C2orf49: variants seen among roughly 807,000 people sequenced by gnomAD.
C2orf49 encodes tRNA splicing ligase complex subunit 2, also known as tRNA-splicing ligase complex subunit ASW.
Under a neutral mutation model 20.6 loss-of-function variants are expected in C2orf49, and 11 were observed. The observed-to-expected ratio is 0.53, with a 90% CI of 0.34 to 0.88. The LOEUF is 0.88. C2orf49 is among the 40% of genes least tolerant of loss of function. The pLI, the probability that C2orf49 is intolerant of heterozygous loss-of-function variation, is 0.02. For missense variants in C2orf49, 289 were observed against 274.2 expected (o/e 1.05, Z -0.38); for synonymous variants, 134 against 108.5 (o/e 1.24, Z -1.46).
chr2:105,360,358 C>T, the C2orf49 span: 1 of 148,958 alleles, frequency 6.7e-6, no homozygotes, highest in Admixed American at 6.7e-5. Context: ...CTGGTGCTGA[C>T]TGAAGGCTTT....
chr2:105,361,016 G>A, the C2orf49 span: 1 of 319,924 alleles, frequency 3.1e-6, no homozygotes, highest in Non-Finnish European at 5.7e-6. Flanking sequence ...TCATTCAAAA[G>A]GATTTTTACA....
At chr2:105,340,812 AT>A (rs1172498595) in intron 2 of C2orf49, among the ~76,000 whole-genome samples, 3 of 151,542 alleles carry the variant, frequency 2.0e-5, no homozygotes, top group Non-Finnish European at 4.4e-5. Context: ...TGATCAATTA[AT>A]TTTTTTTTAG....
the C2orf49 span, chr2:105,373,840 G>A: frequency 9.0e-7 from 1 of 1,114,210 alleles, no homozygotes; most frequent in Non-Finnish European, 1.3e-6. Context: ...AAAGAAGTTG[G>A]GCCGAGGCAC....
the C2orf49 span, among the ~76,000 whole-genome samples, chr2:105,364,379 A>G: frequency 2.6e-5 from 4 of 152,218 alleles, no homozygotes. Flanking sequence ...GACAGCCGGG[A>G]CTAGCACCTG....
downstream of C2orf49, among the ~76,000 whole-genome samples, chr2:105,350,874 A>AT (rs1430449209): frequency 1.3e-5 from 2 of 152,126 alleles, no homozygotes; most frequent in African/African-American, 2.4e-5. Context: ...GAAATGACTC[A>AT]TTGTTAACTA....
chr2:105,337,721 G>GGGGGGC (rs1320397077), intron 1 of C2orf49, 35 bp downstream of exon 1: 3 of 26,800 alleles, frequency 1.1e-4, no homozygotes, highest in South Asian at 1.6e-3. Context: ...GGGCGGGTGG[G>GGGGGGC]CCTTCCCAGG....
chr2:105,338,260 G>C (rs902347661), intron 1 of C2orf49, among the ~76,000 whole-genome samples: 1 of 152,178 alleles, frequency 6.6e-6, no homozygotes, highest in African/African-American at 2.4e-5. Flanking sequence ...AAGGAAAAAA[G>C]TGATGTTTTA....
the C2orf49 span, among the ~76,000 whole-genome samples, chr2:105,366,611 AC>A: frequency 6.6e-6 from 1 of 152,142 alleles, no homozygotes; most frequent in African/African-American, 2.4e-5. Flanking sequence ...ACTAAGCTAC[AC>A]CCTGAAGGGT....
the C2orf49 span, among the ~76,000 whole-genome samples, chr2:105,370,954 T>C: frequency 1.3e-5 from 2 of 152,196 alleles, no homozygotes; most frequent in East Asian, 1.9e-4. Flanking sequence ...TTATTATTAC[T>C]ACACAGCATT....
chr2:105,360,136 A>G, the C2orf49 span: 1 of 152,022 alleles, frequency 6.6e-6, no homozygotes, highest in Non-Finnish European at 1.5e-5. Context: ...CCCCATCTCT[A>G]CTAAAAATAC....
chr2:105,344,456 TAG>T (rs746306689), intron 3 of C2orf49, among the ~76,000 whole-genome samples: 1 of 151,484 alleles, frequency 6.6e-6, no homozygotes, highest in African/African-American at 2.4e-5. Context: ...TATATATATA[TAG>T]AGAGAGAGAG....
intron 3 of C2orf49, among the ~76,000 whole-genome samples, chr2:105,344,467 A>C (rs1212655677): frequency 6.6e-6 from 1 of 151,902 alleles, no homozygotes; most frequent in East Asian, 1.9e-4. Context: ...AGAGAGAGAG[A>C]GTGTGAGAGA....
At chr2:105,376,362 A>T in the C2orf49 span, 1 of 151,902 alleles carries the variant, frequency 6.6e-6, no homozygotes, top group Non-Finnish European at 1.5e-5. Context: ...GTGTTCATTT[A>T]AAAAAATCCA....
intron 2 of C2orf49, among the ~76,000 whole-genome samples, chr2:105,341,197 C>T (rs556594910): frequency 6.6e-6 from 1 of 152,258 alleles, no homozygotes; most frequent in South Asian, 2.1e-4. Flanking sequence ...CAGTATTTTC[C>T]TCTTGATCAG....
chr2:105,361,451 A>G, the C2orf49 span: 1 of 1,604,940 alleles, frequency 6.2e-7, no homozygotes. Context: ...ACAGAGAGAA[A>G]ATAATACCGG....
At chr2:105,369,382 C>T in the C2orf49 span, among the ~76,000 whole-genome samples, 5 of 152,138 alleles carry the variant, frequency 3.3e-5, no homozygotes, top group African/African-American at 1.2e-4. Flanking sequence ...AATGTCTGTC[C>T]TCCAGTAATT....
At chr2:105,370,740 G>C in the C2orf49 span, among the ~76,000 whole-genome samples, 2 of 152,142 alleles carry the variant, frequency 1.3e-5, no homozygotes, top group Non-Finnish European at 2.9e-5. Flanking sequence ...GTGTTTTGTC[G>C]GTGCTGGTTT....
At chr2:105,363,091 G>A in the C2orf49 span, 1 of 583,432 alleles carries the variant, frequency 1.7e-6, no homozygotes. Context: ...GGCTGCAGAG[G>A]AAGGAATCAT....
At chr2:105,379,615 G>A in the C2orf49 span, among the ~76,000 whole-genome samples, 7 of 152,120 alleles carry the variant, frequency 4.6e-5, no homozygotes, top group East Asian at 1.9e-4. Flanking sequence ...GAAATGATCC[G>A]ACAAAACTAA....
Sources: allele counts gnomAD v4.1 joint callset (sites outside exome capture counted in the v4.1 genomes callset), GRCh38; gene constraint gnomAD v4.1.1; transcripts MANE v1.5; gene names NCBI Gene and HGNC (gene_info 2026-07-23, HGNC 2026-07-21).